ZNF292: variants seen among roughly 807,000 people sequenced by gnomAD.
The protein encoded by ZNF292 is 16 zinc-finger domain protein.
Under a neutral mutation model 217.9 loss-of-function variants are expected in ZNF292, and 26 were observed. The observed-to-expected ratio is 0.12, with a 90% CI of 0.09 to 0.17. The LOEUF (loss-of-function observed/expected upper bound fraction) is 0.17. Among genes scored for constraint, ZNF292 ranks in the 10% least tolerant of loss-of-function variants. The probability of loss-of-function intolerance (pLI) is 1.00; values close to 1 mark genes in which losing one functional copy is unlikely to be tolerated. For synonymous variants in ZNF292, 1,257 were observed against 1,124.1 expected (o/e 1.12, Z -2.37); for missense variants, 2,904 against 3,175.2 (o/e 0.91, Z 2.05).
chr6:87,180,419 A>G (rs562283730), intron 1 of ZNF292, among the ~76,000 whole-genome samples: 2 of 125,844 alleles, frequency 1.6e-5, no homozygotes, highest in Admixed American at 1.7e-4. Context: ...TGCCCCAAGT[A>G]TGTGCCAAGA....
rs554909838 is a variant in ZNF292, at chr6:87,192,800, C to CT, written c.169-23097dup. 1.6e-3 allele frequency among the ~76,000 whole-genome samples: 250 copies of CT among 152,240 alleles called. 1 individual carries two copies. Among genetic ancestry groups the CT allele is most frequent in the Middle Eastern group, 6.8e-3 (2 of 292 alleles). On this transcript the variant is annotated intron_variant, in intron 1 of 7. Transcript: ENST00000369577. Reference sequence around the variant, plus strand: ...TTAATTCTCTACTGATGAACGTTTACTTTTTTGTGAGATCTTGACCATCAG... The same window carrying CT: ...TTAATTCTCTACTGATGAACGTTTACTTTTTTTGTGAGATCTTGACCATCAG...
intron 1 of ZNF292, among the ~76,000 whole-genome samples, chr6:87,203,602 G>A (rs183427103): frequency 1.6e-4 from 24 of 152,074 alleles, no homozygotes; most frequent in African/African-American, 5.8e-4. Context: ...CTGCAAGGGG[G>A]GGTGGGGTGC....
chr6:87,182,290 A>G (rs576862338), intron 1 of ZNF292, among the ~76,000 whole-genome samples: 3 of 152,206 alleles, frequency 2.0e-5, no homozygotes, highest in African/African-American at 7.2e-5. Context: ...TTAAAAGTCT[A>G]TTATATTGTA....
chr6:87,205,669 G>A (rs1034598767), intron 1 of ZNF292, among the ~76,000 whole-genome samples: 4 of 151,820 alleles, frequency 2.6e-5, no homozygotes, highest in Non-Finnish European at 5.9e-5. Flanking sequence ...TTCCAATACT[G>A]TTGATTTGTG....
In ZNF292 at chr6:87,245,487, AC is replaced by A; in HGVS notation, c.879-15del. On this transcript the variant is annotated splice_polypyrimidine_tract_variant and intron_variant, in intron 6 of 7. Coordinates refer to ENST00000369577, the MANE Select transcript of ZNF292 (RefSeq NM_015021.3). ...TACTGCTCCAACTTTTCTTATTATA[AC>A]TTTTTTTTTTTAAGGGAACTTACTC... The A allele has an allele frequency of 6.9e-7, 1 of 1,456,400 alleles. No homozygotes were observed. Among genetic ancestry groups the A allele is most frequent in the Non-Finnish European group, 9.2e-7 (1 of 1,091,312 alleles). The allele number at this position is 1,456,400 out of a possible 1,614,324, so 90.2% of individuals were successfully genotyped here.
At chr6:87,195,617 A>G (rs1771934305) in intron 1 of ZNF292, among the ~76,000 whole-genome samples, 1 of 152,202 alleles carries the variant, frequency 6.6e-6, no homozygotes, top group Non-Finnish European at 1.5e-5. Flanking sequence ...TCATTAAACT[A>G]TTAAAAACAC....
intron 1 of ZNF292, among the ~76,000 whole-genome samples, chr6:87,202,306 G>A (rs1194906194): frequency 6.6e-6 from 1 of 151,752 alleles, no homozygotes; most frequent in Non-Finnish European, 1.5e-5. Flanking sequence ...CACGAGTTTT[G>A]TTACTGTGAA....
At chr6:87,212,377 C>T (rs1389145381) in intron 1 of ZNF292, among the ~76,000 whole-genome samples, 1 of 152,180 alleles carries the variant, frequency 6.6e-6, no homozygotes, top group East Asian at 1.9e-4. Context: ...GGTTCAATCT[C>T]TGCCCCTTTA....
chr6:87,171,041 C>G (rs951467485), intron 1 of ZNF292, among the ~76,000 whole-genome samples: 1 of 152,090 alleles, frequency 6.6e-6, no homozygotes, highest in South Asian at 2.1e-4. Context: ...CCACTGTTTT[C>G]AAGTTACCCA....
intron 1 of ZNF292, among the ~76,000 whole-genome samples, chr6:87,208,092 C>T (rs1399618902): frequency 6.6e-6 from 1 of 152,072 alleles, no homozygotes; most frequent in African/African-American, 2.4e-5. Context: ...AAATAGTTTC[C>T]CCATAGCTTT....
At chr6:87,196,722 G>T (rs1771962482) in intron 1 of ZNF292, among the ~76,000 whole-genome samples, 1 of 152,162 alleles carries the variant, frequency 6.6e-6, no homozygotes, top group Non-Finnish European at 1.5e-5. Flanking sequence ...TCAGAACTGT[G>T]CAAAAGCAAA....
chr6:87,252,887 C>CT (rs1159035154), intron 7 of ZNF292, among the ~76,000 whole-genome samples: 10 of 151,942 alleles, frequency 6.6e-5, no homozygotes, highest in African/African-American at 2.4e-4. Flanking sequence ...CAGTTTTCAT[C>CT]TTCCCTGTCA....
intron 1 of ZNF292, chr6:87,173,888 T>G (rs1293878357): frequency 5.9e-6 from 1 of 168,676 alleles, no homozygotes; most frequent in Non-Finnish European, 1.3e-5. Flanking sequence ...GATGGACGTA[T>G]TAAAATATTT....
chr6:87,180,596 C>T (rs1057346537), intron 1 of ZNF292, among the ~76,000 whole-genome samples: 1 of 152,206 alleles, frequency 6.6e-6, no homozygotes, highest in Non-Finnish European at 1.5e-5. Context: ...CTCAGGAGGG[C>T]TTTCCTTGTG....
At chr6:87,230,155 T>G (rs1376961229) in intron 4 of ZNF292, among the ~76,000 whole-genome samples, 1 of 152,142 alleles carries the variant, frequency 6.6e-6, no homozygotes, top group Non-Finnish European at 1.5e-5. Context: ...GATGGAAATG[T>G]GGAGATGACA....
intron 1 of ZNF292, among the ~76,000 whole-genome samples, chr6:87,191,112 C>T (rs1207131123): frequency 6.6e-6 from 1 of 151,852 alleles, no homozygotes; most frequent in Non-Finnish European, 1.5e-5. Flanking sequence ...GGTCATGATT[C>T]CATATCAGTG....
At chr6:87,245,452 A>C in intron 6 of ZNF292, 51 bp from the exon 7 acceptor site, 1 of 1,350,802 alleles carries the variant, frequency 7.4e-7, no homozygotes, top group Non-Finnish European at 1.0e-6. Context: ...GATGTCCATG[A>C]TTATTACCTT....
intron 7 of ZNF292, among the ~76,000 whole-genome samples, chr6:87,252,567 T>C (rs1217645315): frequency 6.6e-6 from 1 of 152,242 alleles, no homozygotes; most frequent in Non-Finnish European, 1.5e-5. Flanking sequence ...GACATTATTA[T>C]ATGTGCCTTC....
chr6:87,208,142 G>A (rs1196719807), intron 1 of ZNF292, among the ~76,000 whole-genome samples: 2 of 152,086 alleles, frequency 1.3e-5, no homozygotes, highest in African/African-American at 2.4e-5. Flanking sequence ...CAGTGTTGCA[G>A]TTGAGAAGTC....
Sources: gnomAD v4.1 joint callset for allele counts (sites outside exome capture counted in the v4.1 genomes callset) on GRCh38, gnomAD v4.1.1 for gene constraint, MANE v1.5 for transcripts, NCBI Gene and HGNC (gene_info 2026-07-23, HGNC 2026-07-21) for gene names.